MYO16: variants seen among roughly 807,000 people sequenced by gnomAD.
MYO16 encodes the protein unconventional myosin-XVI.
A neutral mutation model predicts 205.3 loss-of-function variants in MYO16; 94 were observed. That is an observed-to-expected ratio of 0.46 (90% CI 0.39 to 0.54). The LOEUF (loss-of-function observed/expected upper bound fraction) is 0.54, where lower values mean the gene tolerates loss of function less well. Ranked by LOEUF, MYO16 falls within the 20% of genes least tolerant of loss-of-function variation. The pLI is 0.00. For synonymous variants in MYO16, 988 were observed against 954.0 expected (o/e 1.04, Z -0.66); for missense variants, 2,315 against 2,387.5 (o/e 0.97, Z 0.63).
In MYO16 at chr13:109,055,158, A is replaced by G; in HGVS notation, c.3129+32A>G. ...GACGTTTTCAGATTTCAAAAACTTA[A>G]TGTATGTTTATAGCAACTAAAGAGG... On this transcript the variant is annotated intron_variant, in intron 26 of 34. Coordinates refer to ENST00000457511, the MANE Select transcript of MYO16 (RefSeq NM_001198950.3). The surrounding 1 kb of genome is among the most constrained non-coding windows in gnomAD (Gnocchi z 5.0). 6.7e-7 allele frequency: 1 copy of G among 1,491,156 alleles called. No individual in the cohort carries two copies. Among genetic ancestry groups the G allele is most frequent in the South Asian group, 1.2e-5 (1 of 81,852 alleles). The allele number at this position is 1,491,156 out of a possible 1,614,324, so 92.4% of individuals were successfully genotyped here. A position where few individuals can be genotyped will look rare whatever the true frequency, so the allele number is the denominator to read the frequency against.
chr13:109,031,801 C>A (rs556898392), intron 23 of MYO16, among the ~76,000 whole-genome samples: 2 of 152,266 alleles, frequency 1.3e-5, no homozygotes, highest in South Asian at 4.1e-4. Context: ...TATTTCTGGT[C>A]TCTGTCTAGT....
the MYO16 span, among the ~76,000 whole-genome samples, chr13:108,500,376 CCTG>C: frequency 6.6e-6 from 1 of 151,634 alleles, no homozygotes; most frequent in South Asian, 2.1e-4. Flanking sequence ...ATTACAGGCG[CCTG>C]CCACCACGCC....
At chr13:108,877,047 A>G (rs1314703047) in intron 12 of MYO16, among the ~76,000 whole-genome samples, 1 of 152,184 alleles carries the variant, frequency 6.6e-6, no homozygotes, top group Non-Finnish European at 1.5e-5. Flanking sequence ...TTTGAGACCT[A>G]ATTTATTCTA....
At chr13:108,969,965 T>A (rs1883946591) in intron 20 of MYO16, among the ~76,000 whole-genome samples, 1 of 152,216 alleles carries the variant, frequency 6.6e-6, no homozygotes, top group African/African-American at 2.4e-5. Context: ...CTTTTCCATT[T>A]TGTGATACTA....
At chr13:109,094,815 A>G (rs1210478033) in intron 27 of MYO16, among the ~76,000 whole-genome samples, 1 of 152,234 alleles carries the variant, frequency 6.6e-6, no homozygotes, top group Non-Finnish European at 1.5e-5. Flanking sequence ...ATGTCCCTGC[A>G]AAGGACATGA....
At chr13:108,829,557 G>A (rs1423800071) in intron 9 of MYO16, among the ~76,000 whole-genome samples, 2 of 152,152 alleles carry the variant, frequency 1.3e-5, no homozygotes, top group Non-Finnish European at 2.9e-5. Context: ...AGGTTGTGTG[G>A]GGGCTGAGTC....
At chr13:108,554,677 G>A in the MYO16 span, among the ~76,000 whole-genome samples, 1 of 151,732 alleles carries the variant, frequency 6.6e-6, no homozygotes, top group African/African-American at 2.4e-5. Context: ...GTGAAACCCC[G>A]TCTCTGCTAA....
intron 16 of MYO16, among the ~76,000 whole-genome samples, chr13:108,920,873 A>G (rs1881718996): frequency 6.6e-6 from 1 of 152,220 alleles, no homozygotes; most frequent in Admixed American, 6.5e-5. Context: ...TTTAGAGGAC[A>G]CTTGCTTGAC....
intron 16 of MYO16, among the ~76,000 whole-genome samples, chr13:108,949,185 T>A (rs1269630889): frequency 1.3e-5 from 2 of 152,200 alleles, no homozygotes; most frequent in African/African-American, 2.4e-5. Context: ...ACTGTATTGC[T>A]GGAGAAGGTG....
intron 20 of MYO16, among the ~76,000 whole-genome samples, chr13:108,984,090 T>A (rs563318447): frequency 3.4e-4 from 52 of 152,314 alleles, no homozygotes; most frequent in African/African-American, 1.3e-3. Flanking sequence ...CTCTGCTCTA[T>A]CACAAAACTT....
At chr13:108,838,522 G>T (rs1201587680) in intron 9 of MYO16, among the ~76,000 whole-genome samples, 2 of 147,144 alleles carry the variant, frequency 1.4e-5, no homozygotes, top group Non-Finnish European at 3.0e-5. Flanking sequence ...AAAAAAAAAA[G>T]CTTGGCATGG....
chr13:108,987,130 CAT>C (rs1232753344), intron 20 of MYO16, among the ~76,000 whole-genome samples: 9 of 152,166 alleles, frequency 5.9e-5, no homozygotes, highest in Non-Finnish European at 1.3e-4. Context: ...TACTTCCTAA[CAT>C]ATATTTCTGT....
At chr13:108,791,913 T>C (rs1886627763) in intron 5 of MYO16, among the ~76,000 whole-genome samples, 1 of 152,222 alleles carries the variant, frequency 6.6e-6, no homozygotes, top group African/African-American at 2.4e-5. Flanking sequence ...TGTGCTAGGC[T>C]TTCTCTTGAT....
intron 27 of MYO16, among the ~76,000 whole-genome samples, chr13:109,095,622 T>C (rs933845536): frequency 2.6e-5 from 4 of 152,210 alleles, no homozygotes; most frequent in African/African-American, 9.7e-5. Context: ...GGTGCATGAT[T>C]TTTCATTCTG....
At chr13:108,583,380 G>A in the MYO16 span, among the ~76,000 whole-genome samples, 1 of 152,140 alleles carries the variant, frequency 6.6e-6, no homozygotes, top group African/African-American at 2.4e-5. Flanking sequence ...GGATGCAAAG[G>A]GTGCTAGAAG....
intron 13 of MYO16, among the ~76,000 whole-genome samples, chr13:108,885,829 C>T (rs907133259): frequency 1.3e-5 from 2 of 152,276 alleles, no homozygotes; most frequent in East Asian, 1.9e-4. Context: ...CAGGCCCATG[C>T]GCTTTGGGAG....
At chr13:109,149,348 C>T (rs532564656) in intron 32 of MYO16, among the ~76,000 whole-genome samples, 30 of 152,234 alleles carry the variant, frequency 2.0e-4, no homozygotes, top group African/African-American at 6.3e-4. Flanking sequence ...TGGACCCTTG[C>T]GTCTCAGTGA....
intron 20 of MYO16, among the ~76,000 whole-genome samples, chr13:108,970,431 A>T (rs1883964725): frequency 6.6e-6 from 1 of 152,188 alleles, no homozygotes; most frequent in Admixed American, 6.5e-5. Context: ...AATAAATCAC[A>T]GTTCTATGGA....
At chr13:108,710,415 A>C (rs976296306) in intron 2 of MYO16, among the ~76,000 whole-genome samples, 1 of 152,202 alleles carries the variant, frequency 6.6e-6, no homozygotes, top group Non-Finnish European at 1.5e-5. Context: ...TATGTTCTGC[A>C]CTTAAATTCA....
Sources: gnomAD v4.1 joint callset for allele counts (sites outside exome capture counted in the v4.1 genomes callset) on GRCh38, gnomAD v4.1.1 for gene constraint, Gnocchi (gnomAD v3.1) non-coding constraint, MANE v1.5 for transcripts, NCBI Gene and HGNC (gene_info 2026-07-23, HGNC 2026-07-21) for gene names.